Variants in ZHX2 observed in about 807,000 individuals in gnomAD.
ZHX2 encodes the protein zinc fingers and homeoboxes protein 2.
ZHX2 carries 6 observed loss-of-function variants against 21.9 expected under a neutral mutation model. The observed-to-expected ratio is 0.27, with a 90% CI of 0.15 to 0.54. ZHX2 has a LOEUF of 0.54. Among genes scored for constraint, ZHX2 ranks in the 20% least tolerant of loss-of-function variants. The probability of loss-of-function intolerance (pLI) is 0.95; values close to 1 mark genes in which losing one functional copy is unlikely to be tolerated. For synonymous variants in ZHX2, 434 were observed against 437.1 expected (o/e 0.99, Z 0.09); for missense variants, 908 against 1,090.7 (o/e 0.83, Z 2.36).
chr8:122,918,282 C>T (rs1279187830), intron 2 of ZHX2, among the ~76,000 whole-genome samples: 26 of 152,200 alleles, frequency 1.7e-4, no homozygotes. Flanking sequence ...ATTAGGCACC[C>T]ATGTGTGCCA....
intron 2 of ZHX2, among the ~76,000 whole-genome samples, chr8:122,924,630 A>G (rs879158448): frequency 6.6e-6 from 1 of 152,172 alleles, no homozygotes; most frequent in Non-Finnish European, 1.5e-5. Context: ...GGGTCAGAGC[A>G]AGGGGTCTTC....
intron 2 of ZHX2, among the ~76,000 whole-genome samples, chr8:122,949,126 C>A (rs4870830): frequency 0.81 from 122,678 of 152,110 alleles, 49,859 homozygotes; most frequent in African/African-American, 0.91. Flanking sequence ...GGAGTTTGAG[C>A]CCAGCCTGAC....
At chr8:122,781,544 T>G (rs1438307750), upstream of ZHX2, 1 of 152,504 alleles carries the variant, frequency 6.6e-6, no homozygotes, top group Non-Finnish European at 1.5e-5. This position sits in a 1 kb window ranked among gnomAD's most constrained non-coding sequence, Gnocchi z 4.6. Flanking sequence ...ATTTCGCCGG[T>G]GTCTCCGGAG....
chr8:122,952,732 C>A lies in ZHX2; in HGVS notation c.1222C>A (p.Pro408Thr), dbSNP rs139674940. Residue 408 changes from proline to threonine, a missense_variant, in exon 3 of 4, where the codon CCC becomes ACC. By Grantham distance (38) the Pro-to-Thr change is conservative. Around this residue, in one of 4 missense-constraint regions of ZHX2, gnomAD observed 232 missense variants for 361.8 expected, o/e 0.64. Transcript: ENST00000314393. This position sits in a 1 kb window ranked among gnomAD's most constrained non-coding sequence, Gnocchi z 6.9. ...AGTCACCAACCATGGCCAGAAGAGA[C>A]CCTTGGTGACTCCCCAAGCTGCCCC... ...AGVTNHGQKRPLVTPQAAPEP... is the reference protein window; with the variant it reads ...AGVTNHGQKRTLVTPQAAPEP... The A allele has an allele frequency of 1.9e-5, 30 of 1,613,970 alleles. No homozygotes were observed. The highest frequency in any genetic ancestry group is 6.6e-5 in the South Asian group (6 of 91,088).
At position 122,828,649 on chromosome 8, in the gene ZHX2, G is replaced by C. The variant is rs904809318; in HGVS notation, c.-282-34828G>C. ...TGGGGGATGTGCTGGCGGCAGCCCT[G>C]GTGGCCATGGGCACTGAGAAGGGAC... On this transcript the variant is annotated intron_variant, in intron 1 of 3. Coordinates refer to ENST00000314393, the MANE Select transcript of ZHX2 (RefSeq NM_014943.5). The surrounding 1 kb of genome is among the most constrained non-coding windows in gnomAD (Gnocchi z 5.2). 2.1e-4 allele frequency among the ~76,000 whole-genome samples: 32 copies of C among 152,208 alleles called. No individual in the cohort carries two copies. The highest frequency in any genetic ancestry group is 7.5e-4 in the African/African-American group (31 of 41,450).
intron 1 of ZHX2, among the ~76,000 whole-genome samples, chr8:122,857,558 G>T (rs184372369): frequency 3.3e-5 from 5 of 151,520 alleles, no homozygotes; most frequent in Admixed American, 2.6e-4. Context: ...CAGGGCAGCT[G>T]GGAACACAGG....
intron 1 of ZHX2, among the ~76,000 whole-genome samples, chr8:122,788,695 GTTA>G (rs1215516175): frequency 2.6e-5 from 4 of 152,238 alleles, no homozygotes; most frequent in Non-Finnish European, 5.9e-5. Context: ...AGAGCTTTCT[GTTA>G]TTGTACGTAA....
intron 1 of ZHX2, among the ~76,000 whole-genome samples, chr8:122,855,486 A>G (rs1201028849): frequency 6.6e-6 from 1 of 151,894 alleles, no homozygotes; most frequent in Non-Finnish European, 1.5e-5. Flanking sequence ...CAGGGAAGGG[A>G]GAGATGGACT....
intron 3 of ZHX2, among the ~76,000 whole-genome samples, chr8:122,959,395 TGAAC>T (rs953253374): frequency 2.0e-5 from 3 of 149,810 alleles, no homozygotes; most frequent in Non-Finnish European, 4.5e-5. Flanking sequence ...AATGAATGAA[TGAAC>T]GAACGAATTA....
At chr8:122,873,351 A>G (rs1419170747) in intron 2 of ZHX2, among the ~76,000 whole-genome samples, 1 of 152,134 alleles carries the variant, frequency 6.6e-6, no homozygotes, top group African/African-American at 2.4e-5. Context: ...CCTCTGTAGC[A>G]TGCTAACCCC....
intron 1 of ZHX2, among the ~76,000 whole-genome samples, chr8:122,861,325 T>C (rs1404854522): frequency 6.6e-6 from 1 of 152,196 alleles, no homozygotes; most frequent in Non-Finnish European, 1.5e-5. Context: ...ACTTCCACAT[T>C]TTATGGACAT....
chr8:122,833,890 G>T (rs974551944), intron 1 of ZHX2, among the ~76,000 whole-genome samples: 6 of 151,990 alleles, frequency 3.9e-5, no homozygotes, highest in East Asian at 1.9e-4. Flanking sequence ...CCAGCTACTC[G>T]GGAGGCTGAG....
At chr8:122,821,139 T>C (rs1367215946) in intron 1 of ZHX2, among the ~76,000 whole-genome samples, 1 of 152,186 alleles carries the variant, frequency 6.6e-6, no homozygotes, top group African/African-American at 2.4e-5. Context: ...GAATTCTAGA[T>C]TCTGGAGGAG....
intron 1 of ZHX2, among the ~76,000 whole-genome samples, chr8:122,824,356 C>G (rs1249053644): frequency 6.6e-6 from 1 of 152,208 alleles, no homozygotes; most frequent in Admixed American, 6.5e-5. Flanking sequence ...GTGCCTAGAA[C>G]AAACAGGGCC....
Position 122,800,297 on chromosome 8 carries a change from G to A in ZHX2, c.-283+18351G>A, listed in dbSNP as rs111985860. Reference sequence around the variant, plus strand: ...CATTATGTCCCTTTCATCCCAGCCCGCATCCCATCCTGCCCTCTTCCCCTG... The same window carrying A: ...CATTATGTCCCTTTCATCCCAGCCCACATCCCATCCTGCCCTCTTCCCCTG... On this transcript the variant is annotated intron_variant, in intron 1 of 3. Coordinates refer to ENST00000314393, the MANE Select transcript of ZHX2 (RefSeq NM_014943.5). Among the ~76,000 whole-genome samples, 1,501 of 152,262 alleles carry A rather than the reference G, an allele frequency of 9.9e-3. 16 individuals are homozygous for A. The highest frequency in any genetic ancestry group is 0.033 in the African/African-American group (1,381 of 41,552).
At chr8:122,948,961 A>G (rs1813042949) in intron 2 of ZHX2, among the ~76,000 whole-genome samples, 1 of 152,232 alleles carries the variant, frequency 6.6e-6, no homozygotes, top group Non-Finnish European at 1.5e-5. Context: ...AAAATTGGTA[A>G]ATCTATTAGC....
intron 2 of ZHX2, among the ~76,000 whole-genome samples, chr8:122,929,697 T>C (rs555080707): frequency 1.3e-5 from 2 of 151,074 alleles, no homozygotes; most frequent in Non-Finnish European, 2.9e-5. Context: ...CTAAAGCAAA[T>C]CTCAAAGACA....
chr8:122,906,411 C>T (rs28575478), intron 2 of ZHX2, among the ~76,000 whole-genome samples: 3,563 of 152,184 alleles, frequency 0.023, 90 homozygotes, highest in African/African-American at 0.066. Context: ...GAAATCTGTT[C>T]AAGAGGATAA....
At chr8:122,822,297 C>T (rs543898442) in intron 1 of ZHX2, among the ~76,000 whole-genome samples, 7 of 152,030 alleles carry the variant, frequency 4.6e-5, no homozygotes, top group South Asian at 2.1e-4. Context: ...GCTGTGATGG[C>T]GGCTCTTGTT....
Sources: allele counts gnomAD v4.1 joint callset (sites outside exome capture counted in the v4.1 genomes callset), GRCh38; gene constraint gnomAD v4.1.1; regional missense constraint gnomAD v4.1.1; non-coding constraint Gnocchi (gnomAD v3.1); transcripts MANE v1.5; gene names NCBI Gene and HGNC (gene_info 2026-07-23, HGNC 2026-07-21).